The following PPFIA1 variants were observed in gnomAD, a reference collection of about 807,000 sequenced individuals.
The protein encoded by PPFIA1 is PPFI scaffold protein A1, also known as liprin-alpha-1.
In PPFIA1, 25 loss-of-function variants were observed where a neutral mutation model predicts 149.9. The ratio of observed to expected loss-of-function variants is 0.17; its 90% CI spans 0.12 to 0.23. The LOEUF (loss-of-function observed/expected upper bound fraction) is 0.23. Ranked by LOEUF, PPFIA1 falls within the 10% of genes least tolerant of loss-of-function variation. The pLI, the probability that PPFIA1 is intolerant of heterozygous loss-of-function variation, is 1.00. For missense variants in PPFIA1, 1,362 were observed against 1,506.5 expected, an observed-to-expected ratio of 0.90 and a Z score of 1.59; for synonymous variants, 549 against 552.8, an observed-to-expected ratio of 0.99 and a Z score of 0.10.
At chr11:70,274,320 G>C (rs189626018) in intron 2 of PPFIA1, among the ~76,000 whole-genome samples, 14 of 152,196 alleles carry the variant, frequency 9.2e-5, no homozygotes, top group African/African-American at 2.4e-4. Flanking sequence ...CAAATCGTAA[G>C]TATACATCTC....
Position 70,382,091 on chromosome 11 carries a change from A to G in PPFIA1, c.3554A>G (p.Asn1185Ser), listed in dbSNP as rs772304754. The change falls in exon 27 of 28, where the codon AAT becomes AGT. Residue 1185 changes from asparagine (N) to serine (S), a missense_variant. By Grantham distance (46) the Asn-to-Ser change is conservative. Transcript: ENST00000253925. ...CCTCTCGTGGCTGTTGAAACAGGCA[A>G]TGTATCAGGAACACAGAGGTTGGAT... ...MQPKKMQMDG[N>S]VSGTQRLDSA... The G allele has an allele frequency of 2.1e-5, 34 of 1,614,028 alleles. No individual in the cohort carries two copies. Among genetic ancestry groups the G allele is most frequent in the East Asian group, 4.5e-5 (2 of 44,864 alleles).
intron 2 of PPFIA1, among the ~76,000 whole-genome samples, chr11:70,281,390 C>T (rs577077589): frequency 2.0e-5 from 3 of 152,260 alleles, no homozygotes; most frequent in East Asian, 1.9e-4. Context: ...TGTAACCATC[C>T]GGGGGTTCCA....
chr11:70,298,110 A>G (rs1393112449), intron 2 of PPFIA1, among the ~76,000 whole-genome samples: 1 of 152,232 alleles, frequency 6.6e-6, no homozygotes, highest in Non-Finnish European at 1.5e-5. Flanking sequence ...CACATATTGA[A>G]TGAAAATCCA....
intron 15 of PPFIA1, chr11:70,346,045 G>A: frequency 2.4e-6 from 1 of 418,846 alleles, no homozygotes; most frequent in Non-Finnish European, 4.8e-6. Flanking sequence ...TATTTTAAAG[G>A]GTTTTTCTTT....
At chr11:70,300,145 C>T (rs1034957917) in intron 2 of PPFIA1, among the ~76,000 whole-genome samples, 11 of 151,798 alleles carry the variant, frequency 7.2e-5, no homozygotes, top group Non-Finnish European at 1.3e-4. Flanking sequence ...CACTGCCAGC[C>T]ATGCCCTCTG....
intron 2 of PPFIA1, among the ~76,000 whole-genome samples, chr11:70,316,608 C>T (rs2053644308): frequency 6.6e-6 from 1 of 152,136 alleles, no homozygotes; most frequent in African/African-American, 2.4e-5. Context: ...CCATGAGGCT[C>T]TGTTGCCCCT....
intron 23 of PPFIA1, chr11:70,373,506 G>A (rs1030769337): frequency 1.3e-5 from 2 of 152,042 alleles, no homozygotes; most frequent in Non-Finnish European, 2.9e-5. Flanking sequence ...TGGGATTACA[G>A]GTGTGAGCCA....
chr11:70,365,552 A>G, intron 21 of PPFIA1: 1 of 401,590 alleles, frequency 2.5e-6, no homozygotes, highest in Non-Finnish European at 5.0e-6. Context: ...CGTTCCAGAT[A>G]AGTATTTCCT....
At chr11:70,362,567 C>T in intron 21 of PPFIA1, 79 bp downstream of exon 21, 3 of 1,402,628 alleles carry the variant, frequency 2.1e-6, no homozygotes, top group Non-Finnish European at 2.9e-6. Context: ...GTTTACATTG[C>T]TTCTCCAGTT....
In PPFIA1 at chr11:70,339,220, G is replaced by A. The variant is rs749263889; in HGVS notation, c.1621G>A (p.Gly541Ser). ...AGATTTCAGGTTCCCCATGGCAGAC[G>A]GCCACACAGACTCCTACAGCACCAG... ...VPDFRFPMAD[G>S]HTDSYSTSAV... The change falls in exon 14 of 28, where the codon GGC becomes AGC. Residue 541 changes from glycine (G) to serine (S), a missense_variant. Transcript: ENST00000253925. 11 of 1,613,990 alleles carry A rather than the reference G, an allele frequency of 6.8e-6. No homozygotes were observed. The Admixed American group carries it at 1.2e-4, about 17-fold the overall frequency.
Position 70,348,340 on chromosome 11 carries a change from C to T in PPFIA1, c.2083C>T (p.Pro695Ser). ...PASSLASSSP[P>S]GSGRSTPRRI... ...TTCCTCGCTTGCTAGCTCCTCCCCT[C>T]CGGGCAGTGGGCGCTCCACCCCACG... Residue 695 changes from proline (P) to serine (S), a missense_variant, in exon 16 of 28, where the codon CCG becomes TCG. Physicochemically the swap from Pro to Ser is moderately conservative, Grantham distance 74. This residue lies in a region of PPFIA1 where 733 missense variants were observed against 744.1 expected (regional missense o/e 0.99). Coordinates refer to ENST00000253925, the MANE Select transcript of PPFIA1 (RefSeq NM_003626.5). 1 of 1,614,176 alleles carries T rather than the reference C, an allele frequency of 6.2e-7. No individual in the cohort carries two copies. Among genetic ancestry groups the T allele is most frequent in the Non-Finnish European group, 8.5e-7 (1 of 1,180,016 alleles).
At position 70,324,493 on chromosome 11, in the gene PPFIA1, A is replaced by G. The variant is rs927569498; in HGVS notation, c.356A>G (p.Asn119Ser). The G allele has an allele frequency of 1.2e-6, 2 of 1,609,464 alleles. No homozygotes were observed. The highest frequency in any genetic ancestry group is 1.7e-6 in the Non-Finnish European group (2 of 1,175,738). ...ATTGCTGAACTGAAAGCAGAAAGGA[A>G]TAACACCAGGGTGAGTGTGACCTTT... ...EEIAELKAER[N>S]NTRLLLEHLE... Residue 119 changes from asparagine (N) to serine (S), a missense_variant, in exon 3 of 28, where the codon AAT (asparagine) becomes AGT (serine). This residue lies in a region of PPFIA1 where 79 missense variants were observed against 146.2 expected (regional missense o/e 0.54). Transcript: ENST00000253925.
chr11:70,360,684 A>G (rs2056597160), intron 19 of PPFIA1, among the ~76,000 whole-genome samples: 1 of 152,254 alleles, frequency 6.6e-6, no homozygotes, highest in African/African-American at 2.4e-5. Flanking sequence ...CTTCCTCCCA[A>G]CCTCTTCATT....
intron 2 of PPFIA1, among the ~76,000 whole-genome samples, chr11:70,287,514 A>G (rs1196984496): frequency 1.3e-5 from 2 of 150,934 alleles, no homozygotes; most frequent in African/African-American, 4.9e-5. Context: ...TTTTTTTAGT[A>G]GATACAGGAG....
In PPFIA1 at chr11:70,343,873, G is replaced by A. The variant is rs767442340; in HGVS notation, c.1912G>A (p.Ala638Thr). ...CATGATGCTTCAGGAGCAGCTGGAC[G>A]CCATCAACAAAGAGATCAGGTGTGT... ...LAMMLQEQLD[A>T]INKEIRLIQE... Residue 638 changes from alanine (A) to threonine (T), a missense_variant, in exon 15 of 28, where the codon GCC (alanine) becomes ACC (threonine). By Grantham distance (58) the Ala-to-Thr change is moderately conservative. Around this residue, in one of 7 missense-constraint regions of PPFIA1, gnomAD observed 733 missense variants for 744.1 expected, o/e 0.99. Transcript: ENST00000253925. 10 of 1,613,564 alleles carry A rather than the reference G, an allele frequency of 6.2e-6. No individual in the cohort carries two copies. The highest frequency in any genetic ancestry group is 2.2e-5 in the East Asian group (1 of 44,878).
chr11:70,360,710 C>A (rs1043030909), intron 19 of PPFIA1, among the ~76,000 whole-genome samples: 5 of 152,252 alleles, frequency 3.3e-5, no homozygotes, highest in Admixed American at 2.0e-4. Flanking sequence ...TCTTGCGATA[C>A]CACTTCATAC....
intron 2 of PPFIA1, among the ~76,000 whole-genome samples, chr11:70,277,429 G>C (rs1370642510): frequency 1.3e-5 from 2 of 149,326 alleles, no homozygotes; most frequent in Admixed American, 6.7e-5. Context: ...CATTTTTGTT[G>C]CTCTTCATTC....
At chr11:70,322,801 T>C (rs959951009) in intron 2 of PPFIA1, among the ~76,000 whole-genome samples, 5 of 152,190 alleles carry the variant, frequency 3.3e-5, no homozygotes, top group Admixed American at 1.3e-4. Context: ...GCTAGATTCA[T>C]GTAGTGGAAT....
At position 70,360,753 on chromosome 11, in the gene PPFIA1, T is replaced by G. The variant is rs147381758; in HGVS notation, c.2583-1342T>G. Among the ~76,000 whole-genome samples, 232 of 152,400 alleles carry G rather than the reference T, an allele frequency of 1.5e-3. 1 individual carries two copies. The highest frequency in any genetic ancestry group is 2.5e-3 in the Non-Finnish European group (173 of 68,046). ...AAAAGTCTGCTGCTATTGAAATGTATTGAAGAGCCAATATCAAATTTTTAA... is the reference window on the plus strand; with the variant it reads ...AAAAGTCTGCTGCTATTGAAATGTAGTGAAGAGCCAATATCAAATTTTTAA... On this transcript the variant is annotated intron_variant, in intron 19 of 27. Coordinates refer to ENST00000253925, the MANE Select transcript of PPFIA1 (RefSeq NM_003626.5).
Sources: gnomAD v4.1 joint callset for allele counts (sites outside exome capture counted in the v4.1 genomes callset) on GRCh38, gnomAD v4.1.1 for gene constraint, gnomAD v4.1.1 regional missense constraint, MANE v1.5 for transcripts, NCBI Gene and HGNC (gene_info 2026-07-23, HGNC 2026-07-21) for gene names.